SMAP1: variants seen among roughly 807,000 people sequenced by gnomAD.
SMAP1 encodes the protein stromal membrane-associated protein 1.
SMAP1 carries 24 observed loss-of-function variants against 58.5 expected under a neutral mutation model. That is an observed-to-expected ratio of 0.41 (90% CI 0.30 to 0.58). The LOEUF (loss-of-function observed/expected upper bound fraction) is 0.58, where lower values mean the gene tolerates loss of function less well. SMAP1 is among the 20% of genes least tolerant of loss of function. SMAP1 has a pLI of 0.29. For missense variants in SMAP1, 563 were observed against 566.3 expected (o/e 0.99, Z 0.06); for synonymous variants, 216 against 196.6 (o/e 1.10, Z -0.82).
chr6:70,676,517 CT>C (rs1766488540), intron 1 of SMAP1, among the ~76,000 whole-genome samples: 1 of 152,104 alleles, frequency 6.6e-6, no homozygotes, highest in African/African-American at 2.4e-5. Flanking sequence ...ATAGTCTGTG[CT>C]GTTAACTATG....
Position 70,783,062 on chromosome 6 carries a change from G to A in SMAP1, c.415-8627G>A, listed in dbSNP as rs141610007. Among the ~76,000 whole-genome samples the A allele has an allele frequency of 9.8e-4, 149 of 152,258 alleles. 1 individual carries two copies. The South Asian group carries it at 0.019, about 19-fold the overall frequency. Reference sequence around the variant, plus strand: ...GTAGGGGCAGACTGACACCTCACACGACTGGGTACTCCTCTGAGACAAAAC... The same window carrying A: ...GTAGGGGCAGACTGACACCTCACACAACTGGGTACTCCTCTGAGACAAAAC... On this transcript the variant is annotated intron_variant, in intron 4 of 10. Transcript: ENST00000370455.
At chr6:70,793,001 A>G (rs1306610902) in intron 5 of SMAP1, among the ~76,000 whole-genome samples, 1 of 152,120 alleles carries the variant, frequency 6.6e-6, no homozygotes, top group Non-Finnish European at 1.5e-5. Context: ...AACAGAGGGA[A>G]TGTAAAAGAG....
intron 6 of SMAP1, among the ~76,000 whole-genome samples, chr6:70,804,319 T>C (rs1385527999): frequency 2.6e-5 from 4 of 152,058 alleles, no homozygotes; most frequent in Non-Finnish European, 5.9e-5. Flanking sequence ...CCTGTTTTTT[T>C]TTTTTTTTAA....
intron 6 of SMAP1, among the ~76,000 whole-genome samples, chr6:70,805,967 A>T (rs953450751): frequency 1.3e-5 from 2 of 152,112 alleles, no homozygotes; most frequent in African/African-American, 4.8e-5. Flanking sequence ...GGGGTCAGGG[A>T]CCCACTTGAG....
At position 70,860,220 on chromosome 6, in the gene SMAP1, C is replaced by T. The variant is rs1402949441; in HGVS notation, c.1290C>T (p.Gly430=). 1 of 1,610,790 alleles carries T rather than the reference C, an allele frequency of 6.2e-7. No individual in the cohort carries two copies. Among genetic ancestry groups the T allele is most frequent in the East Asian group, 2.2e-5 (1 of 44,798 alleles). ...CACAGATGAATCAGCAGATGGCTGG[C>T]ATGAGTATCAGTAGTGCAACCCCTA... is the stretch of plus-strand genomic sequence containing the variant. ...SLSQMNQQMA[G]MSISSATPTA... The change falls in exon 11 of 11, where the codon GGC becomes GGT. Residue 430 remains glycine (G), a synonymous_variant. Transcript: ENST00000370455.
chr6:70,860,202 G>GAATC lies in SMAP1; in HGVS notation c.1274_1277dup (p.Gln427SerfsTer10). 6.2e-7 allele frequency: 1 copy of GAATC among 1,606,040 alleles called. No individual in the cohort carries two copies. Among genetic ancestry groups the GAATC allele is most frequent in the Non-Finnish European group, 8.5e-7 (1 of 1,177,222 alleles). On this transcript the variant is annotated frameshift_variant, in exon 11 of 11. Transcript: ENST00000370455. LOFTEE classifies it high-confidence loss of function. ...TAAGCCTTTTATATGTTTCACAGATGAATCAGCAGATGGCTGGCATGAGTA... is the reference window on the plus strand; with the variant it reads ...TAAGCCTTTTATATGTTTCACAGATGAATCAATCAGCAGATGGCTGGCATGAGTA...
chr6:70,860,094 G>A, intron 10 of SMAP1, 106 bp from the exon 11 acceptor site: 1 of 1,268,480 alleles, frequency 7.9e-7, no homozygotes, highest in Non-Finnish European at 1.1e-6. Flanking sequence ...TCCAGTGCTT[G>A]GACTAGTTGT....
chr6:70,818,245 A>G (rs1182446565), intron 6 of SMAP1, among the ~76,000 whole-genome samples: 5 of 151,742 alleles, frequency 3.3e-5, no homozygotes, highest in Non-Finnish European at 7.4e-5. Flanking sequence ...AAATTACAAA[A>G]AAAAAAAAAA....
chr6:70,806,926 A>G (rs1000897135), intron 6 of SMAP1, among the ~76,000 whole-genome samples: 8 of 152,140 alleles, frequency 5.3e-5, no homozygotes, highest in East Asian at 1.9e-4. Flanking sequence ...TTTGAACCCA[A>G]GTCTTCTGGT....
chr6:70,716,803 C>T (rs1215623331), intron 1 of SMAP1, among the ~76,000 whole-genome samples: 2 of 152,038 alleles, frequency 1.3e-5, no homozygotes, highest in Non-Finnish European at 2.9e-5. Flanking sequence ...ATCTTTATGA[C>T]CATTTTTTAA....
intron 2 of SMAP1, among the ~76,000 whole-genome samples, chr6:70,735,627 G>A (rs940413386): frequency 8.6e-5 from 13 of 152,010 alleles, no homozygotes; most frequent in African/African-American, 2.9e-4. Context: ...AAATTAGCAG[G>A]GTGTGGTAAC....
intron 7 of SMAP1, among the ~76,000 whole-genome samples, chr6:70,839,472 T>C (rs1183847186): frequency 6.6e-6 from 1 of 152,190 alleles, no homozygotes; most frequent in Non-Finnish European, 1.5e-5. Flanking sequence ...CTGTCACTCA[T>C]GGGCCTGTAG....
At chr6:70,759,430 GT>G (rs1026823842) in intron 3 of SMAP1, among the ~76,000 whole-genome samples, 5 of 151,902 alleles carry the variant, frequency 3.3e-5, no homozygotes, top group African/African-American at 1.2e-4. Flanking sequence ...ATTACTTGAC[GT>G]TTTTGAAAAT....
chr6:70,678,220 A>C (rs1328828326), intron 1 of SMAP1, among the ~76,000 whole-genome samples: 1 of 152,164 alleles, frequency 6.6e-6, no homozygotes, highest in Non-Finnish European at 1.5e-5. Flanking sequence ...TTTGGTCTCC[A>C]TTTGACTAGA....
intron 2 of SMAP1, among the ~76,000 whole-genome samples, chr6:70,753,332 CTT>C (rs1296786009): frequency 2.6e-5 from 4 of 152,046 alleles, no homozygotes; most frequent in African/African-American, 4.8e-5. Context: ...TTGATAGAAA[CTT>C]TTCAAATTTT....
At chr6:70,750,151 T>G (rs938521706) in intron 2 of SMAP1, among the ~76,000 whole-genome samples, 2 of 152,200 alleles carry the variant, frequency 1.3e-5, no homozygotes, top group African/African-American at 2.4e-5. Flanking sequence ...ATTTCAAGGT[T>G]CTGTTTTCAG....
intron 5 of SMAP1, among the ~76,000 whole-genome samples, chr6:70,792,433 G>C (rs1045791142): frequency 8.9e-6 from 1 of 111,962 alleles, no homozygotes; most frequent in Non-Finnish European, 2.0e-5. Context: ...TGGTTGGCTA[G>C]ATGTGTGGTA....
intron 8 of SMAP1, among the ~76,000 whole-genome samples, chr6:70,853,464 A>G (rs1334113520): frequency 6.6e-6 from 1 of 152,220 alleles, no homozygotes; most frequent in Non-Finnish European, 1.5e-5. Flanking sequence ...CCTTTTCCAT[A>G]GAAAAACTGA....
chr6:70,700,781 A>G (rs1767596042), intron 1 of SMAP1, among the ~76,000 whole-genome samples: 1 of 152,216 alleles, frequency 6.6e-6, no homozygotes, highest in Non-Finnish European at 1.5e-5. Flanking sequence ...CTTGGCTACT[A>G]GCAAGTACCG....
Sources: allele counts gnomAD v4.1 joint callset (sites outside exome capture counted in the v4.1 genomes callset), GRCh38; gene constraint gnomAD v4.1.1; transcripts MANE v1.5; gene names NCBI Gene and HGNC (gene_info 2026-07-23, HGNC 2026-07-21).